Variants in KPNA3 observed in about 807,000 individuals in gnomAD.
KPNA3 encodes importin subunit alpha-4.
Under a neutral mutation model 73.8 loss-of-function variants are expected in KPNA3, and 13 were observed. The ratio of observed to expected loss-of-function variants is 0.18; its 90% CI spans 0.11 to 0.28. The LOEUF (loss-of-function observed/expected upper bound fraction) is 0.28. Ranked by LOEUF, KPNA3 falls within the 10% of genes least tolerant of loss-of-function variation. The pLI is 1.00. For synonymous variants in KPNA3, 186 were observed against 206.9 expected (o/e 0.90, Z 0.87); for missense variants, 360 against 618.1 (o/e 0.58, Z 4.43).
intron 11 of KPNA3, 98 bp from the exon 12 acceptor site, chr13:49,709,798 A>G: frequency 1.0e-5 from 11 of 1,051,800 alleles, no homozygotes; most frequent in South Asian, 1.9e-5. Context: ...TGCAAGGCAT[A>G]AATAACACTT....
At chr13:49,706,037 T>TA in intron 14 of KPNA3, 61 bp downstream of exon 14, 1 of 1,435,374 alleles carries the variant, frequency 7.0e-7, no homozygotes. Flanking sequence ...CTACGAAACA[T>TA]AAGAGAGCAG....
At chr13:49,740,104 T>C (rs924806407) in intron 2 of KPNA3, among the ~76,000 whole-genome samples, 5 of 151,786 alleles carry the variant, frequency 3.3e-5, no homozygotes, top group Admixed American at 2.6e-4. Flanking sequence ...TACAAAAAAT[T>C]AGCTGAGCAA....
chr13:49,702,180 T>A (rs1425688556), intron 16 of KPNA3, among the ~76,000 whole-genome samples: 1 of 152,216 alleles, frequency 6.6e-6, no homozygotes, highest in African/African-American at 2.4e-5. Flanking sequence ...GTTAATAGAT[T>A]AGAAATGAAA....
At chr13:49,752,910 C>G (rs1208233751) in intron 1 of KPNA3, among the ~76,000 whole-genome samples, 1 of 151,086 alleles carries the variant, frequency 6.6e-6, no homozygotes, top group East Asian at 2.0e-4. Context: ...GCCTGTAGTC[C>G]CAGCTACTCG....
Position 49,701,385 on chromosome 13 carries a change from C to T in KPNA3, c.*415G>A. On this transcript the variant is annotated 3_prime_UTR_variant, in exon 17 of 17. Transcript: ENST00000261667. ...GATGGAGGCTCAGATCACACTGCAC[C>T]TCTTTAGTCTTCCAACTTGTATATG... 1 of 402,104 alleles carries T rather than the reference C, an allele frequency of 2.5e-6. No homozygotes were observed. The highest frequency in any genetic ancestry group is 1.9e-5 in the South Asian group (1 of 52,136). 24.9% of individuals were successfully genotyped at this position (402,104 alleles called of 1,614,324 possible).
intron 1 of KPNA3, among the ~76,000 whole-genome samples, chr13:49,765,691 T>TC (rs1338279728): frequency 6.6e-6 from 1 of 152,142 alleles, no homozygotes; most frequent in Non-Finnish European, 1.5e-5. Context: ...CACTTACCAT[T>TC]CTACCAAGCT....
intron 1 of KPNA3, among the ~76,000 whole-genome samples, chr13:49,761,256 C>T (rs1010025425): frequency 6.6e-6 from 1 of 152,134 alleles, no homozygotes; most frequent in African/African-American, 2.4e-5. Context: ...CAGTCTCCCT[C>T]TCCCTCTCCC....
chr13:49,705,292 G>A (rs1034690473), intron 15 of KPNA3, among the ~76,000 whole-genome samples: 2 of 151,352 alleles, frequency 1.3e-5, no homozygotes, highest in African/African-American at 2.4e-5. Flanking sequence ...TCGGGAGGCA[G>A]AGGTTGCAAT....
At chr13:49,762,266 C>T (rs1429120505) in intron 1 of KPNA3, among the ~76,000 whole-genome samples, 4 of 151,298 alleles carry the variant, frequency 2.6e-5, no homozygotes, top group Admixed American at 2.0e-4. Flanking sequence ...CTCCGCCCGG[C>T]CATCGCCCCG....
At chr13:49,703,171 T>TTTTC (rs1489805152) in intron 15 of KPNA3, among the ~76,000 whole-genome samples, 48 of 123,598 alleles carry the variant, frequency 3.9e-4, no homozygotes, top group Non-Finnish European at 6.5e-4. Flanking sequence ...CCTGGGCATT[T>TTTTC]TTTCTTTCTT....
chr13:49,769,594 G>A (rs138538071), intron 1 of KPNA3, among the ~76,000 whole-genome samples: 10 of 152,340 alleles, frequency 6.6e-5, no homozygotes, highest in Non-Finnish European at 1.3e-4. Flanking sequence ...CATCCATGCT[G>A]TAGCATGTAT....
chr13:49,787,093 C>T (rs1954988873), intron 1 of KPNA3, among the ~76,000 whole-genome samples: 1 of 152,178 alleles, frequency 6.6e-6, no homozygotes, highest in Non-Finnish European at 1.5e-5. Flanking sequence ...GATAGTGCCA[C>T]TTAGCACTGG....
chr13:49,742,899 G>C (rs1440508783), intron 2 of KPNA3, among the ~76,000 whole-genome samples: 1 of 152,064 alleles, frequency 6.6e-6, no homozygotes, highest in Non-Finnish European at 1.5e-5. Flanking sequence ...TTCAATACAT[G>C]ACTTAAATAT....
intron 1 of KPNA3, among the ~76,000 whole-genome samples, chr13:49,753,905 G>A (rs960413501): frequency 1.3e-5 from 2 of 152,172 alleles, no homozygotes; most frequent in African/African-American, 2.4e-5. Context: ...AAAGGTTGGG[G>A]ACCACTGTTA....
At chr13:49,728,042 T>G (rs1594438728) in intron 6 of KPNA3, among the ~76,000 whole-genome samples, 1 of 151,964 alleles carries the variant, frequency 6.6e-6, no homozygotes, top group Non-Finnish European at 1.5e-5. Flanking sequence ...GAGACCATCC[T>G]GGCTAACACG....
intron 15 of KPNA3, among the ~76,000 whole-genome samples, chr13:49,703,702 T>C (rs1954174128): frequency 6.6e-6 from 1 of 152,162 alleles, no homozygotes; most frequent in South Asian, 2.1e-4. Flanking sequence ...AGAACAGATA[T>C]CATAGAATGC....
intron 1 of KPNA3, among the ~76,000 whole-genome samples, chr13:49,762,582 C>A (rs943314201): frequency 6.6e-6 from 1 of 152,192 alleles, no homozygotes; most frequent in African/African-American, 2.4e-5. Context: ...CCTGTGCTCT[C>A]TGAAACATGT....
intron 6 of KPNA3, among the ~76,000 whole-genome samples, chr13:49,728,412 A>C (rs541221396): frequency 1.3e-5 from 2 of 152,220 alleles, no homozygotes; most frequent in South Asian, 4.1e-4. Context: ...AGCTTACAAA[A>C]TTATGACTGA....
intron 6 of KPNA3, among the ~76,000 whole-genome samples, chr13:49,726,369 G>A (rs1954409261): frequency 1.3e-5 from 2 of 152,194 alleles, no homozygotes; most frequent in Admixed American, 6.5e-5. Context: ...TTCAAAGATG[G>A]ATTTAAAAAG....
Sources: gnomAD v4.1 joint callset for allele counts (sites outside exome capture counted in the v4.1 genomes callset) on GRCh38, gnomAD v4.1.1 for gene constraint, MANE v1.5 for transcripts, NCBI Gene and HGNC (gene_info 2026-07-23, HGNC 2026-07-21) for gene names.